The following KIF3B variants were observed in gnomAD, a reference collection of about 807,000 sequenced individuals.
KIF3B encodes the protein kinesin family member 3B.
KIF3B carries 38 observed loss-of-function variants against 74.3 expected under a neutral mutation model. The ratio of observed to expected loss-of-function variants is 0.51; its 90% CI spans 0.39 to 0.67. The LOEUF is 0.67. Among genes scored for constraint, KIF3B ranks in the 30% least tolerant of loss-of-function variants. The pLI is 0.00. For synonymous variants in KIF3B, 326 were observed against 342.5 expected, an observed-to-expected ratio of 0.95 and a Z score of 0.53; for missense variants, 649 against 932.0, an observed-to-expected ratio of 0.70 and a Z score of 3.95.
chr20:32,303,857 C>CAAA (rs33920293), intron 1 of KIF3B, among the ~76,000 whole-genome samples: 5 of 120,356 alleles, frequency 4.2e-5, no homozygotes, highest in African/African-American at 5.9e-5. Flanking sequence ...CTCAGTCTCA[C>CAAA]AAAAAAAAAA....
chr20:32,303,051 G>A (rs1394030507), intron 1 of KIF3B, among the ~76,000 whole-genome samples: 1 of 152,076 alleles, frequency 6.6e-6, no homozygotes, highest in Non-Finnish European at 1.5e-5. Context: ...TTTATGTGTG[G>A]TGTGGCTCAA....
At chr20:32,322,690 T>TTATATATATATTTATATATTTATATTTA (rs1241395550) in intron 5 of KIF3B, among the ~76,000 whole-genome samples, 1 of 53,718 alleles carries the variant, frequency 1.9e-5, no homozygotes, top group African/African-American at 1.3e-4. Context: ...TTATATATAT[T>TTATATATATATTTATATATTTATATTTA]TATATATATT....
At chr20:32,286,306 C>G (rs889462495) in intron 1 of KIF3B, among the ~76,000 whole-genome samples, 1 of 152,148 alleles carries the variant, frequency 6.6e-6, no homozygotes, top group Admixed American at 6.5e-5. Flanking sequence ...AGCACAATCT[C>G]TAGCAGCTTA....
intron 1 of KIF3B, among the ~76,000 whole-genome samples, chr20:32,296,045 A>G (rs983724925): frequency 2.0e-5 from 3 of 151,548 alleles, no homozygotes; most frequent in Admixed American, 1.3e-4. Context: ...TTGTACTTGT[A>G]GTAGAGACGG....
intron 1 of KIF3B, among the ~76,000 whole-genome samples, chr20:32,299,723 A>T (rs2047734313): frequency 6.6e-6 from 1 of 151,640 alleles, no homozygotes; most frequent in African/African-American, 2.4e-5. Flanking sequence ...TATTGTCTAT[A>T]ATATGAATAT....
chr20:32,320,481 A>ATGTGTG (rs145644184), intron 5 of KIF3B, among the ~76,000 whole-genome samples: 2 of 141,700 alleles, frequency 1.4e-5, no homozygotes, highest in Middle Eastern at 3.6e-3. Context: ...CTTTCTTCAT[A>ATGTGTG]TGTGTGTGTG....
At chr20:32,284,635 C>CAGAAGA (rs776529649) in intron 1 of KIF3B, among the ~76,000 whole-genome samples, 1 of 152,062 alleles carries the variant, frequency 6.6e-6, no homozygotes, top group Non-Finnish European at 1.5e-5. Flanking sequence ...TTTTTAAAAA[C>CAGAAGA]AGAAGAAGAA....
chr20:32,280,370 A>G (rs2047636387), intron 1 of KIF3B, among the ~76,000 whole-genome samples: 1 of 76,244 alleles, frequency 1.3e-5, no homozygotes, highest in Non-Finnish European at 2.1e-5. Context: ...TGATATTTTT[A>G]TACAGTTGGC....
chr20:32,312,149 C>CT (rs1237434003), intron 2 of KIF3B, among the ~76,000 whole-genome samples: 5 of 139,882 alleles, frequency 3.6e-5, no homozygotes, highest in Non-Finnish European at 7.6e-5. Context: ...GGATCTTGCT[C>CT]TGTCAACCCT....
intron 1 of KIF3B, among the ~76,000 whole-genome samples, chr20:32,296,126 G>A (rs1348927957): frequency 6.6e-6 from 1 of 151,322 alleles, no homozygotes; most frequent in Non-Finnish European, 1.5e-5. Flanking sequence ...GCCTCCCAAA[G>A]TGCTGAGATT....
rs1429307875 is a variant in KIF3B at position 32,334,054 on chromosome 20, G to C, written c.*2735G>C. ...GTTTTCATGTCTCTAGTCATACCTA[G>C]AATGTTCTGAGCCGTCTGAGGGCCT... On this transcript the variant is annotated 3_prime_UTR_variant, in exon 9 of 9. Transcript: ENST00000375712. 6.5e-6 allele frequency: 1 copy of C among 152,682 alleles called. No individual in the cohort carries two copies. The highest frequency in any genetic ancestry group is 1.9e-4 in the East Asian group (1 of 5,194). The allele number at this position is 152,682 out of a possible 1,614,324, so 9.5% of individuals were successfully genotyped here. A position where few individuals can be genotyped will look rare whatever the true frequency, so the allele number is the denominator to read the frequency against.
rs376074399 is a variant in KIF3B at position 32,316,661 on chromosome 20, A to C, written c.1629+12A>C. On this transcript the variant is annotated intron_variant, in intron 4 of 8. Coordinates refer to ENST00000375712, the MANE Select transcript of KIF3B (RefSeq NM_004798.4). ...AAAAACTCAAAAAGGTATGAAAGGA[A>C]TGAGGCCAGATGGAGTTGCCTTGAG... The C allele has an allele frequency of 1.2e-6, 2 of 1,614,130 alleles. No homozygotes were observed. The highest frequency in any genetic ancestry group is 3.3e-5 in the Admixed American group (2 of 60,000).
chr20:32,300,891 A>G (rs1368007671), intron 1 of KIF3B, among the ~76,000 whole-genome samples: 1 of 151,978 alleles, frequency 6.6e-6, no homozygotes, highest in Non-Finnish European at 1.5e-5. Flanking sequence ...TTTTGGAAAC[A>G]GGGCAAGACC....
At chr20:32,327,530 G>T (rs768504637) in intron 6 of KIF3B, 26 bp from the exon 7 acceptor site, 1 of 1,598,664 alleles carries the variant, frequency 6.3e-7, no homozygotes, top group Non-Finnish European at 8.6e-7. Flanking sequence ...TCCAGCCAGG[G>T]CTTTAACACT....
chr20:32,310,788 C>T lies in KIF3B; in HGVS notation c.1011C>T (p.Ala337=). The stretch of plus-strand genomic sequence containing the variant: ...CCACTCTGCGATATGCCAACCGTGC[C>T]AAAAACATTAAGAACAAACCAAGGG... ...TLTTLRYANR[A]KNIKNKPRVN... The change falls in exon 2 of 9, where the codon GCC becomes GCT. Residue 337 remains alanine (A), a synonymous_variant. Transcript: ENST00000375712. This position sits in a 1 kb window ranked among gnomAD's most constrained non-coding sequence, Gnocchi z 6.5. The T allele has an allele frequency of 6.2e-7, 1 of 1,614,128 alleles. No homozygotes were observed. Among genetic ancestry groups the T allele is most frequent in the Non-Finnish European group, 8.5e-7 (1 of 1,180,014 alleles).
chr20:32,284,096 A>T lies in KIF3B; in HGVS notation c.-66+6331A>T, dbSNP rs7273829. On this transcript the variant is annotated intron_variant, in intron 1 of 8. Transcript: ENST00000375712. ...ACACCCAGCTAATTAAAAAAAAAAA[A>T]TTTTTGTTTTTAATTTTTATTTTTT... Among the ~76,000 whole-genome samples, 364 of 151,172 alleles carry T rather than the reference A, an allele frequency of 2.4e-3. 1 individual carries two copies. Among genetic ancestry groups the T allele is most frequent in the African/African-American group, 6.4e-3 (263 of 40,928 alleles).
intron 1 of KIF3B, among the ~76,000 whole-genome samples, chr20:32,284,432 TC>T (rs1569186532): frequency 2.6e-5 from 4 of 152,194 alleles, no homozygotes; most frequent in African/African-American, 9.6e-5. Context: ...GTTAGGGAGA[TC>T]CTTGCTGCTC....
At chr20:32,305,515 A>G (rs1600426355) in intron 1 of KIF3B, among the ~76,000 whole-genome samples, 1 of 151,376 alleles carries the variant, frequency 6.6e-6, no homozygotes, top group African/African-American at 2.4e-5. Context: ...TCCAGCACCA[A>G]ATGAAACTCT....
chr20:32,281,782 T>C (rs1259238189), intron 1 of KIF3B, among the ~76,000 whole-genome samples: 1 of 152,178 alleles, frequency 6.6e-6, no homozygotes, highest in Non-Finnish European at 1.5e-5. Context: ...GTGACGTTTT[T>C]GCTGAGATTT....
Sources: gnomAD v4.1 joint callset for allele counts (sites outside exome capture counted in the v4.1 genomes callset) on GRCh38, gnomAD v4.1.1 for gene constraint, Gnocchi (gnomAD v3.1) non-coding constraint, MANE v1.5 for transcripts, NCBI Gene and HGNC (gene_info 2026-07-23, HGNC 2026-07-21) for gene names.